Variants in DNAH2 observed in about 807,000 individuals in gnomAD.
The protein encoded by DNAH2 is axonemal beta dynein heavy chain 2.
In DNAH2, 323 loss-of-function variants were observed where a neutral mutation model predicts 523.5. That is an observed-to-expected ratio of 0.62 (90% CI 0.56 to 0.68). The LOEUF (loss-of-function observed/expected upper bound fraction) is 0.68, where lower values mean the gene tolerates loss of function less well. DNAH2 is among the 30% of genes least tolerant of loss of function. DNAH2 has a pLI of 0.00. For missense variants in DNAH2, 4,907 were observed against 5,701.5 expected (o/e 0.86, Z 4.49); for synonymous variants, 2,093 against 2,177.4 (o/e 0.96, Z 1.08).
At position 7,786,539 on chromosome 17, in the gene DNAH2, C is replaced by G. The variant is rs761781122; in HGVS notation, c.6349-31C>G. The G allele has an allele frequency of 1.9e-6, 3 of 1,587,584 alleles. No individual in the cohort carries two copies. The highest frequency in any genetic ancestry group is 2.6e-6 in the Non-Finnish European group (3 of 1,158,182). On this transcript the variant is annotated intron_variant, in intron 40 of 85. Transcript: ENST00000572933. The surrounding 1 kb of genome is among the most constrained non-coding windows in gnomAD (Gnocchi z 7.5). ...ATAAAGAGGGGTTTTTGTCCATCAGCAGCTAAAACCCCTTCCGGTGTCATT... is the reference window on the plus strand; with the variant it reads ...ATAAAGAGGGGTTTTTGTCCATCAGGAGCTAAAACCCCTTCCGGTGTCATT...
At position 7,743,048 on chromosome 17, in the gene DNAH2, T is replaced by A; in HGVS notation, c.1810T>A (p.Ser604Thr). 1.3e-6 allele frequency: 2 copies of A among 1,529,434 alleles called. No individual in the cohort carries two copies. The highest frequency in any genetic ancestry group is 1.7e-6 in the Non-Finnish European group (2 of 1,143,236). The allele number at this position is 1,529,434 out of a possible 1,614,324, so 94.7% of individuals were successfully genotyped here. ...LVRKTFQEWT[S>T]SLDKDCIRRL... ...TCGAAAAACCTTCCAAGAGTGGACA[T>A]CAAGTCTGGACAAGGATTGCATTCG... Residue 604 changes from serine (S) to threonine (T), a missense_variant, in exon 12 of 86, where the codon TCA (serine) becomes ACA (threonine). Ser to Thr is a moderately conservative substitution (Grantham distance 58). Coordinates refer to ENST00000572933, the MANE Select transcript of DNAH2 (RefSeq NM_020877.5).
At chr17:7,719,958 G>A (rs1314579195) in intron 2 of DNAH2, 58 bp downstream of exon 2, 1 of 1,439,928 alleles carries the variant, frequency 6.9e-7, no homozygotes, top group African/African-American at 1.4e-5. Flanking sequence ...AAGTCAGAGG[G>A]GCTTGGAGGC....
intron 2 of DNAH2, among the ~76,000 whole-genome samples, chr17:7,723,030 C>T (rs1347553431): frequency 7.5e-4 from 104 of 138,360 alleles, no homozygotes; most frequent in African/African-American, 2.2e-3. Flanking sequence ...AGTGCAGTGG[C>T]GCAATCTCGG....
rs2076524550 is a variant in DNAH2, at chr17:7,778,694, G to A, written c.5541+225G>A. Among the ~76,000 whole-genome samples the A allele has an allele frequency of 2.0e-5, 3 of 152,102 alleles. No individual in the cohort carries two copies. The South Asian group carries it at 6.2e-4, about 31-fold the overall frequency. Reference sequence around the variant, plus strand: ...GGCAATTCTCCTGCCTCAGCCTCCTGAGTAGCTGGGATTACAGGCGTGTGA... The same window carrying A: ...GGCAATTCTCCTGCCTCAGCCTCCTAAGTAGCTGGGATTACAGGCGTGTGA... On this transcript the variant is annotated intron_variant, in intron 35 of 85. Coordinates refer to ENST00000572933, the MANE Select transcript of DNAH2 (RefSeq NM_020877.5).
At chr17:7,751,396 AT>A (rs907500036) in intron 12 of DNAH2, among the ~76,000 whole-genome samples, 19 of 151,780 alleles carry the variant, frequency 1.3e-4, no homozygotes, top group East Asian at 5.8e-4. Flanking sequence ...CCAGGCCAAG[AT>A]TTTTTTTTAA....
In DNAH2 at chr17:7,763,906, G is replaced by A. The variant is rs145606796; in HGVS notation, c.3054G>A (p.Ser1018=). The A allele has an allele frequency of 5.6e-6, 9 of 1,614,182 alleles. No individual in the cohort carries two copies. The highest frequency in any genetic ancestry group is 4.0e-5 in the African/African-American group (3 of 75,046). ...TNIQFVLLDC[S]HLKFSLVQHC... Reference sequence around the variant, plus strand: ...TCCAGTTTGTGCTGCTGGACTGTTCGCACCTCAAGTTCTCCCTGGTGCAGC... The same window carrying A: ...TCCAGTTTGTGCTGCTGGACTGTTCACACCTCAAGTTCTCCCTGGTGCAGC... The change falls in exon 19 of 86, where the codon TCG becomes TCA. Residue 1018 remains serine (S), a synonymous_variant. Transcript: ENST00000572933.
chr17:7,739,672 T>C (rs2075249112), intron 8 of DNAH2, 61 bp from the exon 9 acceptor site: 1 of 1,489,128 alleles, frequency 6.7e-7, no homozygotes, highest in Non-Finnish European at 9.2e-7. Flanking sequence ...CTAAACCAAA[T>C]AGCTTAGGAC....
intron 3 of DNAH2, 109 bp downstream of exon 3, chr17:7,723,798 T>C (rs2074708792): frequency 1.0e-6 from 1 of 966,096 alleles, no homozygotes; most frequent in Admixed American, 2.0e-5. Context: ...CCACTTCTTC[T>C]ACTTGCTCTC....
chr17:7,740,606 C>T (rs2075284284), intron 10 of DNAH2, 57 bp downstream of exon 10: 27 of 1,599,054 alleles, frequency 1.7e-5, no homozygotes, highest in Non-Finnish European at 2.3e-5. Context: ...CCTGGAGTCC[C>T]TCCTTCCGGA....
In DNAH2 at chr17:7,805,004, G is replaced by T; in HGVS notation, c.9230G>T (p.Cys3077Phe). Residue 3077 changes from cysteine to phenylalanine, a missense_variant, in exon 60 of 86, where the codon TGT (cysteine) becomes TTT (phenylalanine). This residue lies in a region of DNAH2 where 1,851 missense variants were observed against 2,139.4 expected (regional missense o/e 0.87). Coordinates refer to ENST00000572933, the MANE Select transcript of DNAH2 (RefSeq NM_020877.5). ...AAGATTGCAGTTGAGGAAATCAAGT[G>T]TCAGGCACTGGCTGACAATGCCCAG... ...SEKIAVEEIK[C>F]QALADNAQKD... 2 of 1,614,190 alleles carry T rather than the reference G, an allele frequency of 1.2e-6. No individual in the cohort carries two copies. The highest frequency in any genetic ancestry group is 1.7e-6 in the Non-Finnish European group (2 of 1,180,044).
chr17:7,747,229 C>T (rs555083918), intron 12 of DNAH2, among the ~76,000 whole-genome samples: 39 of 152,076 alleles, frequency 2.6e-4, no homozygotes, highest in South Asian at 8.3e-4. Context: ...GATCCTCCCA[C>T]CTTGGCCTCC....
intron 20 of DNAH2, among the ~76,000 whole-genome samples, chr17:7,764,782 CTTTTTTTTT>C (rs59188289): frequency 2.0e-5 from 1 of 49,506 alleles, no homozygotes; most frequent in African/African-American, 9.0e-5. Context: ...ACTGTATTTA[CTTTTTTTTT>C]TTTTTTTTTT....
In DNAH2 at chr17:7,734,414, A is replaced by G. The variant is rs952980376; in HGVS notation, c.740-56A>G. 3.7e-6 allele frequency: 6 copies of G among 1,603,390 alleles called. No homozygotes were observed. The South Asian group carries it at 5.5e-5, about 15-fold the overall frequency. ...CTGTCGGGGTTGCGGGGAGTGAAGGATGCTGTTGGGAAGCAGTGTGAAGAA... is the reference window on the plus strand; with the variant it reads ...CTGTCGGGGTTGCGGGGAGTGAAGGGTGCTGTTGGGAAGCAGTGTGAAGAA... On this transcript the variant is annotated intron_variant, in intron 6 of 85. Transcript: ENST00000572933.
chr17:7,792,746 T>G lies in DNAH2; in HGVS notation c.7235T>G (p.Ile2412Ser). The G allele has an allele frequency of 6.2e-7, 1 of 1,614,152 alleles. No individual in the cohort carries two copies. Among genetic ancestry groups the G allele is most frequent in the Non-Finnish European group, 8.5e-7 (1 of 1,180,006 alleles). The change falls in exon 47 of 86, where the codon ATT becomes AGT. Residue 2412 changes from isoleucine to serine, a missense_variant. Around this residue, in one of 3 missense-constraint regions of DNAH2, gnomAD observed 2,806 missense variants for 3,190.8 expected, o/e 0.88. Transcript: ENST00000572933. ...VSSLVANQNP[I>S]LLVGPVGTGK... ...AGCTTGGTGGCCAACCAGAATCCCA[T>G]TCTGCTGGTGGGTCCCGTGGGGACT...
chr17:7,729,212 T>A (rs1423945641), intron 4 of DNAH2, among the ~76,000 whole-genome samples: 2 of 151,934 alleles, frequency 1.3e-5, no homozygotes, highest in African/African-American at 2.4e-5. Flanking sequence ...CAAAGAATGG[T>A]GCTCCCCTGG....
intron 63 of DNAH2, among the ~76,000 whole-genome samples, chr17:7,808,489 T>C (rs763288793): frequency 5.9e-5 from 9 of 152,184 alleles, no homozygotes. Context: ...TTTTAAATGA[T>C]TGATTTAATA....
intron 12 of DNAH2, chr17:7,743,911 T>C (rs1489734715): frequency 6.6e-6 from 1 of 152,446 alleles, no homozygotes; most frequent in East Asian, 1.9e-4. Flanking sequence ...ACCTTCCATG[T>C]GTCAGGAACT....
Position 7,780,163 on chromosome 17 carries a change from C to G in DNAH2, c.5729C>G (p.Ala1910Gly), listed in dbSNP as rs1269538770. 1.2e-6 allele frequency: 2 copies of G among 1,611,722 alleles called. No homozygotes were observed. The highest frequency in any genetic ancestry group is 1.7e-6 in the Non-Finnish European group (2 of 1,178,974). The change falls in exon 37 of 86, where the codon GCT becomes GGT. Residue 1910 changes from alanine (A) to glycine (G), a missense_variant. Around this residue, in one of 3 missense-constraint regions of DNAH2, gnomAD observed 2,806 missense variants for 3,190.8 expected, o/e 0.88. Transcript: ENST00000572933. This position sits in a 1 kb window ranked among gnomAD's most constrained non-coding sequence, Gnocchi z 4.4. ...GIFITMNPGYAGRTELPENLK... is the reference protein window; with the variant it reads ...GIFITMNPGYGGRTELPENLK... ...AAGTGGCATTGTTTTCCAGGCTATG[C>G]TGGCCGCACAGAGCTTCCCGAAAAT...
chr17:7,728,880 G>C (rs2074904579), intron 4 of DNAH2, among the ~76,000 whole-genome samples: 1 of 152,046 alleles, frequency 6.6e-6, no homozygotes, highest in South Asian at 2.1e-4. Context: ...AGCTACTTGG[G>C]AGGCTGAGGT....
Sources: gnomAD v4.1 joint callset for allele counts (sites outside exome capture counted in the v4.1 genomes callset) on GRCh38, gnomAD v4.1.1 for gene constraint, gnomAD v4.1.1 regional missense constraint, Gnocchi (gnomAD v3.1) non-coding constraint, MANE v1.5 for transcripts, NCBI Gene and HGNC (gene_info 2026-07-23, HGNC 2026-07-21) for gene names.